The following UNC5D variants were observed in gnomAD, a reference collection of about 807,000 sequenced individuals.
UNC5D encodes the protein unc-5 netrin receptor D, also known as netrin receptor UNC5D.
A neutral mutation model predicts 105.4 loss-of-function variants in UNC5D; 39 were observed. The observed-to-expected ratio is 0.37, with a 90% confidence interval of 0.29 to 0.48. The LOEUF (loss-of-function observed/expected upper bound fraction) is 0.48. UNC5D is among the 20% of genes least tolerant of loss of function. The pLI is 0.98. For missense variants in UNC5D, 991 were observed against 1,202.4 expected (o/e 0.82, Z 2.60); for synonymous variants, 452 against 450.4 (o/e 1.00, Z -0.04).
chr8:35,662,465 A>C (rs1373032781), intron 4 of UNC5D, among the ~76,000 whole-genome samples: 5 of 152,198 alleles, frequency 3.3e-5, no homozygotes. Flanking sequence ...CAAAAAACAA[A>C]GAAAAAAAAT....
chr8:35,296,846 A>C (rs754496375), intron 1 of UNC5D, among the ~76,000 whole-genome samples: 4 of 152,280 alleles, frequency 2.6e-5, no homozygotes, highest in Admixed American at 6.5e-5. Flanking sequence ...CTTATACACA[A>C]CACCACTCAT....
intron 1 of UNC5D, among the ~76,000 whole-genome samples, chr8:35,365,591 C>CAAAAAAAAAAAAAAAAAAAAAAACAAAAA (rs1802069066): frequency 2.0e-5 from 1 of 49,888 alleles, no homozygotes; most frequent in Non-Finnish European, 3.4e-5. Flanking sequence ...CCATCCCCTG[C>CAAAAAAAAAAAAAAAAAAAAAAACAAAAA]AAAAAAAAAA....
chr8:35,774,391 C>T lies in UNC5D; in HGVS notation c.2571C>T (p.Ile857=), dbSNP rs370986053. ...AAGCCTTCAAAATTCCCTACTCCAT[C>T]AGACAGCGGATTTGTGCTACATTTG... is the stretch of plus-strand genomic sequence containing the variant. ...GPKAFKIPYS[I]RQRICATFDT... Residue 857 remains isoleucine (I), a synonymous_variant, in exon 16 of 17, where the codon ATC becomes ATT. Transcript: ENST00000404895. 5.0e-6 allele frequency: 8 copies of T among 1,614,128 alleles called. No homozygotes were observed. In the African/African-American group the frequency reaches 8.0e-5, roughly 16 times the overall value.
At chr8:35,787,134 G>A (rs781614862) in intron 16 of UNC5D, among the ~76,000 whole-genome samples, 2 of 152,124 alleles carry the variant, frequency 1.3e-5, no homozygotes, top group African/African-American at 4.8e-5. Flanking sequence ...TGACTATCTG[G>A]TCATTTACAG....
intron 1 of UNC5D, among the ~76,000 whole-genome samples, chr8:35,411,310 G>T (rs762031879): frequency 1.4e-4 from 22 of 152,052 alleles, no homozygotes; most frequent in African/African-American, 5.3e-4. Flanking sequence ...TAAACCTGTT[G>T]CAAGTATAAT....
intron 1 of UNC5D, among the ~76,000 whole-genome samples, chr8:35,469,737 G>A (rs1285576467): frequency 6.6e-6 from 1 of 152,192 alleles, no homozygotes; most frequent in Admixed American, 6.5e-5. Context: ...AGAAAGACCT[G>A]AATGACGAAT....
At chr8:35,399,592 A>C (rs1253653726) in intron 1 of UNC5D, among the ~76,000 whole-genome samples, 1 of 152,224 alleles carries the variant, frequency 6.6e-6, no homozygotes, top group East Asian at 1.9e-4. Flanking sequence ...GCATGCATAC[A>C]TATGTCAAAA....
At chr8:35,510,720 A>C (rs754330458) in intron 1 of UNC5D, among the ~76,000 whole-genome samples, 11 of 152,094 alleles carry the variant, frequency 7.2e-5, no homozygotes, top group Non-Finnish European at 1.6e-4. Flanking sequence ...GAGTCAATCC[A>C]CTTGATTTTC....
In UNC5D at chr8:35,673,560, C is replaced by T. The variant is rs988623628; in HGVS notation, c.571-9987C>T. On this transcript the variant is annotated intron_variant, in intron 4 of 16. Coordinates refer to ENST00000404895, the MANE Select transcript of UNC5D (RefSeq NM_080872.4). Reference sequence around the variant, plus strand: ...TATAGCCTTAGGCAAATCATATAATCGGTAAAATGGGAAGAATAAGATTTT... The same window carrying T: ...TATAGCCTTAGGCAAATCATATAATTGGTAAAATGGGAAGAATAAGATTTT... Among the ~76,000 whole-genome samples the T allele has an allele frequency of 1.9e-4, 29 of 152,052 alleles. 1 individual carries two copies. Among genetic ancestry groups the T allele is most frequent in the South Asian group, 2.1e-4 (1 of 4,810 alleles).
At chr8:35,400,215 A>G (rs904907924) in intron 1 of UNC5D, among the ~76,000 whole-genome samples, 1 of 151,972 alleles carries the variant, frequency 6.6e-6, no homozygotes, top group African/African-American at 2.4e-5. Context: ...AGCCACTTTT[A>G]GTTGAGATCC....
At chr8:35,329,085 A>G (rs1400419537) in intron 1 of UNC5D, among the ~76,000 whole-genome samples, 1 of 152,106 alleles carries the variant, frequency 6.6e-6, no homozygotes, top group East Asian at 1.9e-4. Context: ...GTTTTTAGCC[A>G]CTGTATCTCT....
intron 1 of UNC5D, among the ~76,000 whole-genome samples, chr8:35,302,914 G>A (rs1014184478): frequency 6.6e-5 from 10 of 152,022 alleles, no homozygotes; most frequent in Non-Finnish European, 1.3e-4. Flanking sequence ...GGAATCAAAC[G>A]TTTGGAGAAG....
chr8:35,721,083 G>A (rs749709243), intron 8 of UNC5D, among the ~76,000 whole-genome samples: 73 of 152,118 alleles, frequency 4.8e-4, no homozygotes, highest in Middle Eastern at 3.2e-3. Context: ...ACAATTACAA[G>A]GTAAATATAT....
chr8:35,489,040 T>C (rs1326223680), intron 1 of UNC5D, among the ~76,000 whole-genome samples: 1 of 151,560 alleles, frequency 6.6e-6, no homozygotes, highest in Non-Finnish European at 1.5e-5. Flanking sequence ...GGAATCTCAC[T>C]GTGTCACCTA....
chr8:35,572,676 G>A (rs1026551646), intron 3 of UNC5D, among the ~76,000 whole-genome samples: 3 of 152,154 alleles, frequency 2.0e-5, no homozygotes, highest in African/African-American at 7.2e-5. Context: ...CCTTTGAGCT[G>A]TCTTGCCCAG....
intron 11 of UNC5D, 46 bp from the exon 12 acceptor site, chr8:35,748,481 C>A (rs1446920148): frequency 1.3e-6 from 2 of 1,569,090 alleles, no homozygotes; most frequent in African/African-American, 2.7e-5. Context: ...AAATATGGCC[C>A]CTCCTCTACA....
intron 4 of UNC5D, among the ~76,000 whole-genome samples, chr8:35,605,600 G>A (rs1229536202): frequency 6.6e-6 from 1 of 152,200 alleles, no homozygotes; most frequent in African/African-American, 2.4e-5. Context: ...AGTCTGCAGA[G>A]GTTATTGCTG....
intron 4 of UNC5D, among the ~76,000 whole-genome samples, chr8:35,641,366 CAAAAAAA>C (rs377021599): frequency 4.3e-4 from 19 of 44,292 alleles, no homozygotes; most frequent in Non-Finnish European, 3.4e-4. Context: ...AAAAATAAAG[CAAAAAAA>C]AAAAAAAAAA....
intron 1 of UNC5D, among the ~76,000 whole-genome samples, chr8:35,542,542 C>T (rs1430562264): frequency 6.6e-6 from 1 of 152,198 alleles, no homozygotes; most frequent in African/African-American, 2.4e-5. Flanking sequence ...AACTACTTGC[C>T]TATTAAAGCC....
Sources: allele counts gnomAD v4.1 joint callset (sites outside exome capture counted in the v4.1 genomes callset), GRCh38; gene constraint gnomAD v4.1.1; transcripts MANE v1.5; gene names NCBI Gene and HGNC (gene_info 2026-07-23, HGNC 2026-07-21).